The following VSTM4 variants were observed in gnomAD, a reference collection of about 807,000 sequenced individuals.
VSTM4 encodes V-set and transmembrane domain-containing protein 4.
VSTM4 carries 20 observed loss-of-function variants against 36.4 expected under a neutral mutation model. That is an observed-to-expected ratio of 0.55 (90% confidence interval 0.39 to 0.80). The LOEUF is 0.80. Among genes scored for constraint, VSTM4 ranks in the 30% least tolerant of loss-of-function variants. The pLI, the probability that VSTM4 is intolerant of heterozygous loss-of-function variation, is 0.00. For missense variants in VSTM4, 392 were observed against 404.5 expected (o/e 0.97, Z 0.26); for synonymous variants, 182 against 173.9 (o/e 1.05, Z -0.37).
chr10:49,042,383 CACA>C (rs1843534529), intron 7 of VSTM4, among the ~76,000 whole-genome samples: 2 of 152,286 alleles, frequency 1.3e-5, no homozygotes, highest in South Asian at 4.1e-4. Flanking sequence ...TGCTAGAACC[CACA>C]GTTCACTGCA....
intron 1 of VSTM4, 127 bp from the exon 2 acceptor site, chr10:49,108,122 A>G: frequency 3.8e-6 from 5 of 1,327,778 alleles, no homozygotes; most frequent in Non-Finnish European, 5.0e-6. Context: ...TGGCCAGAGA[A>G]GCAGGCGGCC....
intron 1 of VSTM4, among the ~76,000 whole-genome samples, chr10:49,114,529 T>A (rs1243626927): frequency 6.6e-6 from 1 of 151,872 alleles, no homozygotes; most frequent in South Asian, 2.1e-4. Context: ...ATCTATAAAA[T>A]AGGGATAATA....
intron 5 of VSTM4, among the ~76,000 whole-genome samples, chr10:49,057,974 C>T (rs745585865): frequency 1.3e-5 from 2 of 152,210 alleles, no homozygotes; most frequent in African/African-American, 4.8e-5. Flanking sequence ...ACTGATTAAT[C>T]TGACCCTACA....
chr10:49,021,366 A>C (rs1843179738), intron 7 of VSTM4, among the ~76,000 whole-genome samples: 2 of 152,222 alleles, frequency 1.3e-5, no homozygotes, highest in Non-Finnish European at 2.9e-5. Flanking sequence ...CATATGACAC[A>C]AAACCCAGGA....
chr10:49,094,981 A>G (rs1334364302), intron 2 of VSTM4, among the ~76,000 whole-genome samples: 1 of 152,204 alleles, frequency 6.6e-6, no homozygotes, highest in Non-Finnish European at 1.5e-5. Context: ...CCGATGAGAA[A>G]CAATGAAACT....
intron 4 of VSTM4, among the ~76,000 whole-genome samples, chr10:49,068,746 G>A (rs1844019359): frequency 6.6e-6 from 1 of 152,104 alleles, no homozygotes; most frequent in Non-Finnish European, 1.5e-5. Context: ...GAGTTTATGT[G>A]GGAGGTGATC....
intron 7 of VSTM4, among the ~76,000 whole-genome samples, chr10:49,030,413 C>T (rs1843327995): frequency 6.6e-6 from 1 of 152,170 alleles, no homozygotes; most frequent in South Asian, 2.1e-4. Context: ...ACCAAACGCC[C>T]CACCTACTCT....
At chr10:49,071,542 G>A (rs370872315) in intron 4 of VSTM4, among the ~76,000 whole-genome samples, 7 of 152,228 alleles carry the variant, frequency 4.6e-5, no homozygotes, top group East Asian at 1.9e-4. Context: ...AATGTTGAGC[G>A]CCCTTAGAGG....
intron 7 of VSTM4, among the ~76,000 whole-genome samples, chr10:49,038,498 G>T (rs1299296790): frequency 6.6e-6 from 1 of 152,152 alleles, no homozygotes; most frequent in East Asian, 1.9e-4. Context: ...TTTCAGTTTT[G>T]CAAGATGAAA....
chr10:49,109,418 G>A (rs1390445500), intron 1 of VSTM4, among the ~76,000 whole-genome samples: 9 of 152,162 alleles, frequency 5.9e-5, no homozygotes, highest in African/African-American at 2.2e-4. Context: ...CAGGCAACAG[G>A]TCTTCCTCCT....
chr10:49,103,826 A>T, intron 2 of VSTM4: 1 of 1,614,148 alleles, frequency 6.2e-7, no homozygotes, highest in Non-Finnish European at 8.5e-7. Flanking sequence ...AAATCCCAAG[A>T]AAAGCTCCCC....
At chr10:49,088,283 A>T (rs1159795574) in intron 2 of VSTM4, among the ~76,000 whole-genome samples, 2 of 152,132 alleles carry the variant, frequency 1.3e-5, no homozygotes, top group African/African-American at 4.8e-5. Flanking sequence ...GCTTGGTAAA[A>T]TATATGAATT....
chr10:49,019,578 G>A lies in VSTM4; in HGVS notation c.*72C>T. The A allele has an allele frequency of 6.6e-7, 1 of 1,520,658 alleles. No homozygotes were observed. Among genetic ancestry groups the A allele is most frequent in the Non-Finnish European group, 8.8e-7 (1 of 1,131,970 alleles). 94.2% of individuals were successfully genotyped at this position (1,520,658 alleles called of 1,614,324 possible). ...GCATGAGTGAAAATACAGACATAAG[G>A]GCTTTGTCTCCAAGGCTTCATAAAT... is the stretch of plus-strand genomic sequence containing the variant. On this transcript the variant is annotated 3_prime_UTR_variant, in exon 8 of 8. Transcript: ENST00000332853.
chr10:49,038,101 C>T (rs1017456940), intron 7 of VSTM4, among the ~76,000 whole-genome samples: 2 of 152,204 alleles, frequency 1.3e-5, no homozygotes, highest in Admixed American at 6.5e-5. Context: ...AGCAATCCCC[C>T]TTCTGGGTAT....
chr10:49,077,187 C>T (rs201099951), intron 4 of VSTM4, 32 bp downstream of exon 4: 1 of 1,605,174 alleles, frequency 6.2e-7, no homozygotes, highest in East Asian at 2.2e-5. Flanking sequence ...GGTGTGCTCC[C>T]ATCCCAGACA....
At chr10:49,068,984 C>T (rs1844023674) in intron 4 of VSTM4, among the ~76,000 whole-genome samples, 1 of 152,256 alleles carries the variant, frequency 6.6e-6, no homozygotes, top group South Asian at 2.1e-4. Flanking sequence ...GCAACCTCTC[C>T]TGATAAGAAG....
At chr10:49,026,938 G>C (rs1590067632) in intron 7 of VSTM4, among the ~76,000 whole-genome samples, 3 of 152,124 alleles carry the variant, frequency 2.0e-5, no homozygotes, top group African/African-American at 7.2e-5. Flanking sequence ...CTCTTTCCAG[G>C]CTCCTCCCTG....
At chr10:49,115,366 G>C in intron 1 of VSTM4, 65 bp downstream of exon 1, 1 of 973,010 alleles carries the variant, frequency 1.0e-6, no homozygotes, top group Non-Finnish European at 1.2e-6. Context: ...CCGGAGCCCC[G>C]GCCTCCCCGG....
chr10:49,039,677 C>A (rs528345965), intron 7 of VSTM4, among the ~76,000 whole-genome samples: 2 of 152,036 alleles, frequency 1.3e-5, no homozygotes, highest in African/African-American at 4.8e-5. Context: ...TGGTTGATGA[C>A]GAGGCATGGA....
Sources: gnomAD v4.1 joint callset for allele counts (sites outside exome capture counted in the v4.1 genomes callset) on GRCh38, gnomAD v4.1.1 for gene constraint, MANE v1.5 for transcripts, NCBI Gene and HGNC (gene_info 2026-07-23, HGNC 2026-07-21) for gene names.